PPP1R1C: variants seen among roughly 807,000 people sequenced by gnomAD.
PPP1R1C encodes protein phosphatase 1 regulatory subunit 1C.
In PPP1R1C, 15 loss-of-function variants were observed where a neutral mutation model predicts 17.4. The observed-to-expected ratio is 0.86, with a 90% confidence interval of 0.58 to 1.33. The LOEUF (loss-of-function observed/expected upper bound fraction) is 1.33. Among genes scored for constraint, PPP1R1C ranks in the 40% most tolerant of loss-of-function variants. The pLI is 0.00. For synonymous variants in PPP1R1C, 35 were observed against 43.1 expected, an observed-to-expected ratio of 0.81 and a Z score of 0.73; for missense variants, 143 against 130.0, an observed-to-expected ratio of 1.10 and a Z score of -0.48.
intron 3 of PPP1R1C, among the ~76,000 whole-genome samples, chr2:182,062,206 A>G (rs909928611): frequency 5.9e-5 from 9 of 152,128 alleles, no homozygotes. Context: ...AAAATGTAGA[A>G]TGGACAAAAT....
At chr2:182,075,746 A>C (rs1317998237) in intron 4 of PPP1R1C, among the ~76,000 whole-genome samples, 1 of 152,168 alleles carries the variant, frequency 6.6e-6, no homozygotes, top group Non-Finnish European at 1.5e-5. Flanking sequence ...AATTAACTCT[A>C]TGCACTACTC....
chr2:182,105,712 T>A (rs1387966999), intron 4 of PPP1R1C, among the ~76,000 whole-genome samples: 1 of 152,186 alleles, frequency 6.6e-6, no homozygotes, highest in Non-Finnish European at 1.5e-5. Flanking sequence ...AGCAGGTGCT[T>A]CCAAGAAGCT....
At chr2:181,994,536 T>C (rs987748220) in intron 2 of PPP1R1C, among the ~76,000 whole-genome samples, 1 of 152,208 alleles carries the variant, frequency 6.6e-6, no homozygotes, top group African/African-American at 2.4e-5. Flanking sequence ...TTCACGAATT[T>C]CTCTTATTTA....
intron 2 of PPP1R1C, among the ~76,000 whole-genome samples, chr2:182,007,387 T>C (rs1685953686): frequency 6.6e-6 from 1 of 152,222 alleles, no homozygotes; most frequent in South Asian, 2.1e-4. Flanking sequence ...TTACATTTTA[T>C]TCTACATTTA....
chr2:182,108,013 T>C (rs539408383), intron 4 of PPP1R1C, among the ~76,000 whole-genome samples: 1 of 152,206 alleles, frequency 6.6e-6, no homozygotes, highest in Admixed American at 6.5e-5. Context: ...GTTTTCTATG[T>C]CATAGTTTTC....
At chr2:182,030,168 A>G (rs1315842842) in intron 2 of PPP1R1C, among the ~76,000 whole-genome samples, 26 of 151,176 alleles carry the variant, frequency 1.7e-4, no homozygotes, top group Non-Finnish European at 2.8e-4. Flanking sequence ...ATGTCCTCCC[A>G]TAGCTCAGGG....
At chr2:182,093,640 T>C (rs1688850653) in intron 4 of PPP1R1C, among the ~76,000 whole-genome samples, 1 of 152,204 alleles carries the variant, frequency 6.6e-6, no homozygotes, top group African/African-American at 2.4e-5. Flanking sequence ...TGCTTAGAAA[T>C]TTCTTCTGCC....
At chr2:182,080,630 G>A (rs1238804552) in intron 4 of PPP1R1C, among the ~76,000 whole-genome samples, 2 of 151,980 alleles carry the variant, frequency 1.3e-5, no homozygotes, top group African/African-American at 2.4e-5. Context: ...TCTATTTAAT[G>A]ACAATGAGAA....
rs2125238196 is a variant in PPP1R1C, at chr2:182,117,465, C to G, written c.*170C>G. ...AAGTCTCCTTGACTGAACTTTAGAA[C>G]TAAGTACACATTGTTCCACATCACT... On this transcript the variant is annotated 3_prime_UTR_variant, in exon 5 of 5. Coordinates refer to ENST00000682840, the MANE Select transcript of PPP1R1C (RefSeq NM_001080545.3). 1.8e-6 allele frequency: 1 copy of G among 541,374 alleles called. No homozygotes were observed. The highest frequency in any genetic ancestry group is 2.0e-5 in the African/African-American group (1 of 51,074). The allele number at this position is 541,374 out of a possible 1,614,324, so 33.5% of individuals were successfully genotyped here.
At chr2:182,047,546 A>G (rs931151889) in intron 2 of PPP1R1C, among the ~76,000 whole-genome samples, 17 of 152,196 alleles carry the variant, frequency 1.1e-4, no homozygotes, top group African/African-American at 3.1e-4. Flanking sequence ...AAGAAAACCC[A>G]TCCATTAAGT....
chr2:181,962,553 G>C lies in PPP1R1C; in HGVS notation n.111+7919G>C. ...GTCATAGCAGTTTTCTAAGGAACCT[G>C]CAGAGAAACATCAAGCTCAGATCGA... On this transcript the variant is annotated intron_variant and non_coding_transcript_variant, in intron 1 of 5. Coordinates refer to the PPP1R1C transcript ENST00000464264. This position sits in a 1 kb window ranked among gnomAD's most constrained non-coding sequence, Gnocchi z 6.0. 2 of 570,256 alleles carry C rather than the reference G, an allele frequency of 3.5e-6. No individual in the cohort carries two copies. Among genetic ancestry groups the C allele is most frequent in the African/African-American group, 1.9e-5 (1 of 52,318 alleles). The allele number at this position is 570,256 out of a possible 1,614,324, so 35.3% of individuals were successfully genotyped here. A position where few individuals can be genotyped will look rare whatever the true frequency, so the allele number is the denominator to read the frequency against.
chr2:182,075,736 A>C (rs1443705807), intron 4 of PPP1R1C, among the ~76,000 whole-genome samples: 2 of 152,206 alleles, frequency 1.3e-5, no homozygotes. Flanking sequence ...TCTTGTTGAC[A>C]ATTAACTCTA....
chr2:182,004,632 T>A (rs959685529), intron 2 of PPP1R1C, among the ~76,000 whole-genome samples: 2 of 152,094 alleles, frequency 1.3e-5, no homozygotes, highest in African/African-American at 2.4e-5. Context: ...AGGTGGAGGG[T>A]GGAGATTTGG....
chr2:182,072,691 C>A (rs963107478), intron 4 of PPP1R1C, among the ~76,000 whole-genome samples: 1 of 152,122 alleles, frequency 6.6e-6, no homozygotes, highest in Non-Finnish European at 1.5e-5. Flanking sequence ...GACCATGCAA[C>A]CTTATAGCTT....
At chr2:182,017,432 T>G (rs968989827) in intron 2 of PPP1R1C, among the ~76,000 whole-genome samples, 1 of 152,122 alleles carries the variant, frequency 6.6e-6, no homozygotes, top group Non-Finnish European at 1.5e-5. Flanking sequence ...AAAGTTATAC[T>G]TATTTCTCCT....
chr2:182,044,748 C>T (rs1268371717), intron 2 of PPP1R1C, among the ~76,000 whole-genome samples: 2 of 152,142 alleles, frequency 1.3e-5, no homozygotes, highest in Non-Finnish European at 2.9e-5. Flanking sequence ...GGATGCATAG[C>T]ACAGAGTATA....
At chr2:182,045,732 A>G (rs1687323167) in intron 2 of PPP1R1C, among the ~76,000 whole-genome samples, 1 of 152,156 alleles carries the variant, frequency 6.6e-6, no homozygotes, top group South Asian at 2.1e-4. Context: ...GGTTATATCT[A>G]CACAGTTCAA....
At chr2:182,019,285 A>C (rs767608178) in intron 2 of PPP1R1C, among the ~76,000 whole-genome samples, 16 of 152,226 alleles carry the variant, frequency 1.1e-4, no homozygotes, top group Non-Finnish European at 1.8e-4. Flanking sequence ...TTACCTGCTA[A>C]TGTGGGCCCT....
At chr2:182,130,734 C>A (rs949068841), downstream of PPP1R1C, 118 of 152,074 alleles carry the variant, frequency 7.8e-4, 2 homozygotes, top group Admixed American at 6.9e-3. Flanking sequence ...CTTCTTTTAC[C>A]CTAATGAAAC....
Sources: allele counts gnomAD v4.1 joint callset (sites outside exome capture counted in the v4.1 genomes callset), GRCh38; gene constraint gnomAD v4.1.1; non-coding constraint Gnocchi (gnomAD v3.1); transcripts MANE v1.5; gene names NCBI Gene and HGNC (gene_info 2026-07-23, HGNC 2026-07-21).